The following DAB1 variants were observed in gnomAD, a reference collection of about 807,000 sequenced individuals.
DAB1 encodes the protein disabled homolog 1.
Under a neutral mutation model 64.6 loss-of-function variants are expected in DAB1, and 15 were observed. The observed-to-expected ratio is 0.23, with a 90% CI of 0.16 to 0.36. The LOEUF (loss-of-function observed/expected upper bound fraction) is 0.36, where lower values mean the gene tolerates loss of function less well. Ranked by LOEUF, DAB1 falls within the 10% of genes least tolerant of loss-of-function variation. DAB1 has a pLI of 1.00. For synonymous variants in DAB1, 235 were observed against 251.9 expected (o/e 0.93, Z 0.64); for missense variants, 596 against 706.7 (o/e 0.84, Z 1.78).
At chr1:57,891,372 G>A (rs1481179208) in intron 5 of DAB1, among the ~76,000 whole-genome samples, 1 of 152,220 alleles carries the variant, frequency 6.6e-6, no homozygotes, top group Non-Finnish European at 1.5e-5. Flanking sequence ...TGCTGGAGAG[G>A]ATGTGGAGAA....
At chr1:58,506,161 A>G in exon 3 of DAB1, 2 of 872,010 alleles carry the variant, frequency 2.3e-6, no homozygotes, top group South Asian at 2.6e-5. Context: ...CTATCAACGA[A>G]CTCCATTTGC....
At chr1:57,885,371 C>A (rs564142767), upstream of DAB1, among the ~76,000 whole-genome samples, 30 of 152,270 alleles carry the variant, frequency 2.0e-4, no homozygotes, top group Middle Eastern at 6.8e-3. Flanking sequence ...AGCCCCGGCA[C>A]CCTGCAGTCC....
intron 6 of DAB1, among the ~76,000 whole-genome samples, chr1:57,769,455 T>A (rs1234081313): frequency 6.6e-6 from 1 of 152,174 alleles, no homozygotes; most frequent in African/African-American, 2.4e-5. Context: ...CATTCCCTAC[T>A]GGGGAAAACT....
At chr1:57,563,733 G>A (rs1186700637) in intron 7 of DAB1, among the ~76,000 whole-genome samples, 1 of 152,190 alleles carries the variant, frequency 6.6e-6, no homozygotes, top group Admixed American at 6.5e-5. Flanking sequence ...GTGGCAGCAA[G>A]GCTGGGGGAG....
At chr1:58,132,989 T>C (rs1305378890) in intron 5 of DAB1, among the ~76,000 whole-genome samples, 4 of 152,220 alleles carry the variant, frequency 2.6e-5, no homozygotes, top group Non-Finnish European at 4.4e-5. Context: ...TCCCACGAGC[T>C]TATACTCTCT....
chr1:58,037,033 C>A (rs4328097), intron 5 of DAB1, among the ~76,000 whole-genome samples: 2 of 151,982 alleles, frequency 1.3e-5, no homozygotes, highest in African/African-American at 4.8e-5. Context: ...AGAATGAAGA[C>A]CCTAGGATGC....
At chr1:57,510,712 C>T (rs188625429) in intron 7 of DAB1, among the ~76,000 whole-genome samples, 1 of 152,106 alleles carries the variant, frequency 6.6e-6, no homozygotes, top group Non-Finnish European at 1.5e-5. Flanking sequence ...TTTTCACATT[C>T]TTTCTGCCCC....
At chr1:57,004,826 G>T (rs1057234736) in intron 14 of DAB1, among the ~76,000 whole-genome samples, 29 of 152,248 alleles carry the variant, frequency 1.9e-4, no homozygotes, top group African/African-American at 6.3e-4. Context: ...CCTAACTTCC[G>T]ATATGAACTT....
intron 5 of DAB1, chr1:58,074,568 A>ATACACAAATATATATATATATGTGTG (rs1649513125): frequency 3.2e-5 from 1 of 31,098 alleles, no homozygotes; most frequent in Non-Finnish European, 8.2e-5. Flanking sequence ...ATGTGTGTAT[A>ATACACAAATATATATATATATGTGTG]TATATATATA....
intron 5 of DAB1, among the ~76,000 whole-genome samples, chr1:57,990,682 G>A (rs1290418276): frequency 6.6e-6 from 1 of 152,194 alleles, no homozygotes; most frequent in East Asian, 1.9e-4. Flanking sequence ...AGACAGCAGT[G>A]TGAGAGGAGG....
intron 7 of DAB1, among the ~76,000 whole-genome samples, chr1:57,578,358 A>T (rs147882787): frequency 5.0e-4 from 76 of 152,360 alleles, no homozygotes; most frequent in Non-Finnish European, 7.6e-4. Flanking sequence ...AAATCCAGAC[A>T]GGGGAGCACC....
chr1:57,890,540 T>C (rs2101981723), intron 5 of DAB1, among the ~76,000 whole-genome samples: 1 of 151,738 alleles, frequency 6.6e-6, no homozygotes, highest in East Asian at 1.9e-4. Flanking sequence ...ACTGTAGTCT[T>C]GAACTCCCAG....
At chr1:57,100,235 T>C (rs1011538231) in intron 4 of DAB1, among the ~76,000 whole-genome samples, 1 of 152,178 alleles carries the variant, frequency 6.6e-6, no homozygotes, top group Non-Finnish European at 1.5e-5. Flanking sequence ...AGTGAGCAAA[T>C]TAATTAATAC....
At chr1:57,224,752 G>A (rs1186267498) in intron 2 of DAB1, among the ~76,000 whole-genome samples, 1 of 152,194 alleles carries the variant, frequency 6.6e-6, no homozygotes, top group African/African-American at 2.4e-5. Context: ...CCATTGATAG[G>A]AGTGTCTTTG....
At chr1:58,369,723 C>T (rs1445249566) in intron 3 of DAB1, among the ~76,000 whole-genome samples, 3 of 152,140 alleles carry the variant, frequency 2.0e-5, no homozygotes, top group Non-Finnish European at 4.4e-5. Flanking sequence ...AAGTTATTTA[C>T]CTAAAGATTT....
At chr1:58,426,195 C>T (rs1414421821) in intron 3 of DAB1, among the ~76,000 whole-genome samples, 1 of 152,146 alleles carries the variant, frequency 6.6e-6, no homozygotes, top group African/African-American at 2.4e-5. Flanking sequence ...CCTAGGGCCC[C>T]ATGGTAAAAT....
intron 7 of DAB1, among the ~76,000 whole-genome samples, chr1:57,596,120 T>C (rs1397887266): frequency 6.6e-6 from 1 of 152,212 alleles, no homozygotes; most frequent in Non-Finnish European, 1.5e-5. Flanking sequence ...GCTGATTCTC[T>C]AGGTATCACT....
At chr1:58,141,139 T>C (rs1570408212) in intron 5 of DAB1, among the ~76,000 whole-genome samples, 1 of 150,848 alleles carries the variant, frequency 6.6e-6, no homozygotes, top group East Asian at 2.0e-4. Flanking sequence ...AGAGAGAGAG[T>C]TGGGGAGGTA....
In DAB1 at chr1:57,022,614, C is replaced by T. The variant is rs141070726; in HGVS notation, c.895+917G>A. Reference sequence around the variant, plus strand: ...TAAAAGCACAGTTTATATTTGGTGGCAAGAATTTGCTTCTAACAGTATGTA... The same window carrying T: ...TAAAAGCACAGTTTATATTTGGTGGTAAGAATTTGCTTCTAACAGTATGTA... On this transcript the variant is annotated intron_variant, in intron 11 of 14. Coordinates refer to ENST00000371236, the MANE Select transcript of DAB1 (RefSeq NM_001365792.1). Among the ~76,000 whole-genome samples, 614 of 152,088 alleles carry T rather than the reference C, an allele frequency of 4.0e-3. 1 individual carries two copies. The highest frequency in any genetic ancestry group is 6.8e-3 in the Non-Finnish European group (460 of 68,002).
Sources: gnomAD v4.1 joint callset for allele counts (sites outside exome capture counted in the v4.1 genomes callset) on GRCh38, gnomAD v4.1.1 for gene constraint, MANE v1.5 for transcripts, NCBI Gene and HGNC (gene_info 2026-07-23, HGNC 2026-07-21) for gene names.